ST3GAL6: variants seen among roughly 807,000 people sequenced by gnomAD.
The protein encoded by ST3GAL6 is ST3 beta-galactoside alpha-2,3-sialyltransferase 6.
In ST3GAL6, 31 loss-of-function variants were observed where a neutral mutation model predicts 40.5. The observed-to-expected ratio is 0.77, with a 90% CI of 0.58 to 1.03. The LOEUF is 1.03. Ranked by LOEUF, ST3GAL6 falls within the 50% of genes least tolerant of loss-of-function variation. The pLI is 0.00. For synonymous variants in ST3GAL6, 129 were observed against 136.9 expected, an observed-to-expected ratio of 0.94 and a Z score of 0.40; for missense variants, 357 against 393.2, an observed-to-expected ratio of 0.91 and a Z score of 0.78.
intron 1 of ST3GAL6, chr3:98,733,615 C>G (rs2107231976): frequency 1.0e-6 from 1 of 985,174 alleles, no homozygotes; most frequent in East Asian, 1.1e-4. Context: ...AGTGTTTGGG[C>G]TGCTGTTAAT....
rs1487191010 is a variant in ST3GAL6, at chr3:98,794,402, G to T, written c.*641G>T. ...AGAATACAATTACTAAACTCTGATG[G>T]CTTTGTATTATTTTAAAGAAATGAA... is the stretch of plus-strand genomic sequence containing the variant. On this transcript the variant is annotated 3_prime_UTR_variant, in exon 10 of 10. Coordinates refer to ENST00000483910, the MANE Select transcript of ST3GAL6 (RefSeq NM_001323368.2). 6.7e-6 allele frequency: 1 copy of T among 149,790 alleles called. No individual in the cohort carries two copies. Among genetic ancestry groups the T allele is most frequent in the Non-Finnish European group, 1.5e-5 (1 of 67,588 alleles). The allele number at this position is 149,790 out of a possible 1,614,324, so 9.3% of individuals were successfully genotyped here. A position where few individuals can be genotyped will look rare whatever the true frequency, so the allele number is the denominator to read the frequency against.
At chr3:98,767,899 A>T (rs1216945710) in intron 1 of ST3GAL6, among the ~76,000 whole-genome samples, 1 of 152,196 alleles carries the variant, frequency 6.6e-6, no homozygotes. Context: ...AAAATTGAGG[A>T]TGAGGGAAAT....
At chr3:98,768,320 A>T (rs1315337632) in intron 1 of ST3GAL6, 110 bp from the exon 2 acceptor site, 5 of 794,088 alleles carry the variant, frequency 6.3e-6, no homozygotes, top group South Asian at 3.0e-5. Context: ...ATTTTTTTCT[A>T]TAGTTCCTTT....
In ST3GAL6 at chr3:98,794,495, T is replaced by C. The variant is rs1354186174; in HGVS notation, c.*734T>C. 6.6e-6 allele frequency: 1 copy of C among 151,788 alleles called. No homozygotes were observed. Among genetic ancestry groups the C allele is most frequent in the Non-Finnish European group, 1.5e-5 (1 of 67,890 alleles). The allele number at this position is 151,788 out of a possible 1,614,324, so 9.4% of individuals were successfully genotyped here. On this transcript the variant is annotated 3_prime_UTR_variant, in exon 10 of 10. Transcript: ENST00000483910. ...AGGAAAAAAAAATCTTGAACATTAT[T>C]TTTTTTTGCCTGACTTACTTATTCA...
intron 5 of ST3GAL6, among the ~76,000 whole-genome samples, chr3:98,778,348 A>G (rs1939746199): frequency 6.6e-6 from 1 of 152,240 alleles, no homozygotes; most frequent in Non-Finnish European, 1.5e-5. Context: ...AACTTAAAAA[A>G]GAATTAGACA....
chr3:98,756,017 A>C (rs1173472641), intron 1 of ST3GAL6, among the ~76,000 whole-genome samples: 1 of 152,134 alleles, frequency 6.6e-6, no homozygotes, highest in South Asian at 2.1e-4. Flanking sequence ...TGCATTTCAA[A>C]ATAAAGCTGC....
intron 6 of ST3GAL6, 80 bp from the exon 7 acceptor site, chr3:98,787,956 T>C: frequency 7.5e-7 from 1 of 1,329,610 alleles, no homozygotes; most frequent in Non-Finnish European, 1.0e-6. Flanking sequence ...TTTGTCCAAC[T>C]CTGAAACCTC....
At chr3:98,763,678 C>A (rs1224886082) in intron 1 of ST3GAL6, among the ~76,000 whole-genome samples, 1 of 143,796 alleles carries the variant, frequency 7.0e-6, no homozygotes, top group Non-Finnish European at 1.5e-5. Flanking sequence ...AAGCAGGGAA[C>A]AGAAGGGTGC....
rs1341670582 is a variant in ST3GAL6 at position 98,794,716 on chromosome 3, A to G, written c.*955A>G. On this transcript the variant is annotated 3_prime_UTR_variant, in exon 10 of 10. Coordinates refer to ENST00000483910, the MANE Select transcript of ST3GAL6 (RefSeq NM_001323368.2). ...GGAGTTCAAGACCAGCCTGGCCAAC[A>G]TGGTGAAACCTCATCTCTACTAAAA... 1 of 152,202 alleles carries G rather than the reference A, an allele frequency of 6.6e-6. No homozygotes were observed. Among genetic ancestry groups the G allele is most frequent in the Non-Finnish European group, 1.5e-5 (1 of 68,078 alleles). 9.4% of individuals were successfully genotyped at this position (152,202 alleles called of 1,614,324 possible). A position where few individuals can be genotyped will look rare whatever the true frequency, so the allele number is the denominator to read the frequency against.
At chr3:98,774,453 T>C (rs1022809630) in intron 5 of ST3GAL6, among the ~76,000 whole-genome samples, 4 of 152,260 alleles carry the variant, frequency 2.6e-5, no homozygotes, top group Non-Finnish European at 5.9e-5. Flanking sequence ...AGGACAAATA[T>C]ACTTGCTTTG....
intron 1 of ST3GAL6, among the ~76,000 whole-genome samples, chr3:98,755,437 C>T (rs1247381860): frequency 6.6e-6 from 1 of 152,100 alleles, no homozygotes; most frequent in East Asian, 1.9e-4. Context: ...TTTCAACAAG[C>T]TCTGTCTCAA....
intron 5 of ST3GAL6, chr3:98,783,501 A>G (rs1270929999): frequency 4.2e-6 from 4 of 944,540 alleles, no homozygotes; most frequent in Non-Finnish European, 5.0e-6. Flanking sequence ...GACATCAGCC[A>G]CATTTGAACC....
chr3:98,786,091 T>G (rs1940675357), intron 6 of ST3GAL6, among the ~76,000 whole-genome samples: 1 of 152,100 alleles, frequency 6.6e-6, no homozygotes, highest in Admixed American at 6.6e-5. Context: ...ATGAACATGT[T>G]AGATTTGAGA....
intron 1 of ST3GAL6, among the ~76,000 whole-genome samples, chr3:98,754,845 A>G (rs1937302706): frequency 6.6e-6 from 1 of 152,254 alleles, no homozygotes; most frequent in Non-Finnish European, 1.5e-5. Context: ...TAGCAGTAAA[A>G]TATTTTAAAA....
At chr3:98,791,408 T>G (rs750061056) in intron 8 of ST3GAL6, among the ~76,000 whole-genome samples, 7 of 152,236 alleles carry the variant, frequency 4.6e-5, no homozygotes, top group African/African-American at 1.7e-4. Context: ...ATGAAGTCTT[T>G]TATCATGATT....
intron 1 of ST3GAL6, among the ~76,000 whole-genome samples, chr3:98,740,269 C>G (rs955271537): frequency 9.5e-6 from 1 of 104,996 alleles, no homozygotes; most frequent in African/African-American, 3.8e-5. Context: ...GTGTATGGTT[C>G]TTCTGCTTTA....
chr3:98,775,253 C>T (rs1939419931), intron 5 of ST3GAL6, among the ~76,000 whole-genome samples: 1 of 152,020 alleles, frequency 6.6e-6, no homozygotes, highest in African/African-American at 2.4e-5. Context: ...CTGAGGCGGG[C>T]AGATCGTGAG....
intron 1 of ST3GAL6, chr3:98,733,576 A>G (rs1393622351): frequency 2.0e-6 from 2 of 985,394 alleles, no homozygotes; most frequent in African/African-American, 1.7e-5. Flanking sequence ...GAGGCAGTTT[A>G]GGAGAAAGGA....
intron 1 of ST3GAL6, among the ~76,000 whole-genome samples, chr3:98,739,629 T>C (rs1456490088): frequency 1.3e-5 from 2 of 152,184 alleles, no homozygotes; most frequent in African/African-American, 4.8e-5. Flanking sequence ...TATGCAACTT[T>C]AATATGTAAG....
Sources: allele counts gnomAD v4.1 joint callset (sites outside exome capture counted in the v4.1 genomes callset), GRCh38; gene constraint gnomAD v4.1.1; transcripts MANE v1.5; gene names NCBI Gene and HGNC (gene_info 2026-07-23, HGNC 2026-07-21).